The following RPS6KA6 variants were observed in gnomAD, a reference collection of about 807,000 sequenced individuals.
RPS6KA6 encodes ribosomal protein S6 kinase A6, also known as ribosomal protein S6 kinase alpha-6.
In RPS6KA6, 27 loss-of-function variants were observed where a neutral mutation model predicts 65.4. That is an observed-to-expected ratio of 0.41 (90% confidence interval 0.30 to 0.57). The LOEUF (loss-of-function observed/expected upper bound fraction) is 0.57, where lower values mean the gene tolerates loss of function less well. Among genes scored for constraint, RPS6KA6 ranks in the 20% least tolerant of loss-of-function variants. The probability of loss-of-function intolerance (pLI) is 0.24; values close to 1 mark genes in which losing one functional copy is unlikely to be tolerated. For synonymous variants in RPS6KA6, 190 were observed against 184.2 expected (o/e 1.03, Z -0.26); for missense variants, 486 against 555.6 (o/e 0.87, Z 1.26).
At chrX:84,152,464 G>A (rs990054441) in intron 3 of RPS6KA6, among the ~76,000 whole-genome samples, 34 of 110,925 alleles carry the variant, frequency 3.1e-4, no homozygotes, top group South Asian at 7.7e-4. Context: ...CTTGACAGTA[G>A]TAACAACCTA....
rs192198423 is a variant in RPS6KA6 at position 84,100,351 on chromosome X, T to C, written c.1776+1686A>G. On this transcript the variant is annotated intron_variant, in intron 18 of 21. Coordinates refer to ENST00000262752, the MANE Select transcript of RPS6KA6 (RefSeq NM_014496.5). ...CTCTCTGGGTTTGATTACCTAACCATTAATCTAAAACTGTTTACCTAACCA... is the reference window on the plus strand; with the variant it reads ...CTCTCTGGGTTTGATTACCTAACCACTAATCTAAAACTGTTTACCTAACCA... Among the ~76,000 whole-genome samples the C allele has an allele frequency of 1.5e-3, 162 of 110,841 alleles. 1 individual carries two copies. Among genetic ancestry groups the C allele is most frequent in the African/African-American group, 4.9e-3 (149 of 30,675 alleles).
chrX:84,149,890 G>A (rs865989468), intron 3 of RPS6KA6, among the ~76,000 whole-genome samples: 6 of 111,810 alleles, frequency 5.4e-5, no homozygotes, highest in South Asian at 3.7e-4. Context: ...CGCTGACTTC[G>A]CTCTAGCTAT....
chrX:84,181,169 G>A (rs1414307873), intron 1 of RPS6KA6, among the ~76,000 whole-genome samples: 1 of 111,614 alleles, frequency 9.0e-6, no homozygotes, highest in Non-Finnish European at 1.9e-5. Flanking sequence ...CTTTACAGGA[G>A]AGGCAGAGGG....
intron 1 of RPS6KA6, among the ~76,000 whole-genome samples, chrX:84,170,542 A>G (rs1375421910): frequency 1.8e-5 from 2 of 111,110 alleles, no homozygotes; most frequent in African/African-American, 6.6e-5. Context: ...AGGCAGGAGA[A>G]CTACTTGAAC....
intron 2 of RPS6KA6, among the ~76,000 whole-genome samples, chrX:84,160,795 T>A (rs2035498767): frequency 9.0e-6 from 1 of 111,036 alleles, no homozygotes. Context: ...ATGTCAAATA[T>A]TAGTGTACTT....
chrX:84,077,068 C>T (rs752359428), intron 20 of RPS6KA6, among the ~76,000 whole-genome samples: 7 of 111,283 alleles, frequency 6.3e-5, no homozygotes, highest in East Asian at 5.6e-4. Flanking sequence ...TATATTTAAA[C>T]GTATAAAACA....
chrX:84,137,660 T>C (rs926955369), intron 6 of RPS6KA6, among the ~76,000 whole-genome samples: 13 of 112,236 alleles, frequency 1.2e-4, no homozygotes, highest in Non-Finnish European at 2.4e-4. Context: ...AAATTTGATG[T>C]GTGAAAATGG....
chrX:84,150,967 G>GAT (rs1384949274), intron 3 of RPS6KA6, among the ~76,000 whole-genome samples: 1 of 90,390 alleles, frequency 1.1e-5, no homozygotes, highest in African/African-American at 4.0e-5. Flanking sequence ...ATATATAGAG[G>GAT]ATATATATAG....
chrX:84,074,389 A>C (rs1321232242), intron 20 of RPS6KA6, among the ~76,000 whole-genome samples: 1 of 111,650 alleles, frequency 9.0e-6, no homozygotes, highest in Non-Finnish European at 1.9e-5. Context: ...ATGGGGAGAG[A>C]TTAGCAAATG....
chrX:84,122,417 G>A (rs5922016), intron 8 of RPS6KA6, among the ~76,000 whole-genome samples: 17,969 of 81,897 alleles, frequency 0.22, 2,508 homozygotes, highest in African/African-American at 0.47. Context: ...TGCAACCTCC[G>A]CCTCTCGGGT....
chrX:84,119,809 A>C (rs905056188), intron 9 of RPS6KA6, 76 bp downstream of exon 9: 1 of 872,783 alleles, frequency 1.1e-6, no homozygotes, highest in Non-Finnish European at 1.5e-6. Context: ...GCTAAATCCC[A>C]AAATTTGAAT....
At position 84,064,962 on chromosome X, in the gene RPS6KA6, T is replaced by C. The variant is rs1316257959; in HGVS notation, c.2112+9A>G. 1 of 1,201,587 alleles carries C rather than the reference T, an allele frequency of 8.3e-7. No individual in the cohort carries two copies. Among genetic ancestry groups the C allele is most frequent in the South Asian group, 1.8e-5 (1 of 55,502 alleles). On this transcript the variant is annotated intron_variant, in intron 21 of 21. Transcript: ENST00000262752. ...ATCTCGAAGGCACATAAAAGTATGT[T>C]TGTTTTACCTTAACAACATGTGACA...
intron 6 of RPS6KA6, among the ~76,000 whole-genome samples, chrX:84,139,488 T>C (rs1434043339): frequency 8.9e-6 from 1 of 111,792 alleles, no homozygotes; most frequent in Non-Finnish European, 1.9e-5. Flanking sequence ...TGCTCACGCA[T>C]GGCACATTCT....
chrX:84,181,958 A>G (rs937902463), intron 1 of RPS6KA6, among the ~76,000 whole-genome samples: 16 of 109,478 alleles, frequency 1.5e-4, no homozygotes, highest in African/African-American at 4.3e-4. Flanking sequence ...TTTCCCATAT[A>G]CCATCTCAAA....
At chrX:84,170,813 T>G (rs961304841) in intron 1 of RPS6KA6, among the ~76,000 whole-genome samples, 1 of 111,357 alleles carries the variant, frequency 9.0e-6, no homozygotes, top group African/African-American at 3.3e-5. Context: ...CCCTTGAATG[T>G]GAACATGGCC....
intron 1 of RPS6KA6, among the ~76,000 whole-genome samples, chrX:84,165,095 C>T (rs2035576322): frequency 9.0e-6 from 1 of 110,788 alleles, no homozygotes; most frequent in Non-Finnish European, 1.9e-5. Context: ...GCTGCTTTTG[C>T]ACTACAACAG....
intron 20 of RPS6KA6, among the ~76,000 whole-genome samples, chrX:84,077,564 G>A (rs927234854): frequency 9.0e-6 from 1 of 111,524 alleles, no homozygotes; most frequent in Non-Finnish European, 1.9e-5. Context: ...ATGTAAAAAT[G>A]AACTTTGACC....
chrX:84,125,277 G>A (rs1395844479), intron 8 of RPS6KA6, among the ~76,000 whole-genome samples: 1 of 111,766 alleles, frequency 8.9e-6, no homozygotes, highest in African/African-American at 3.3e-5. Flanking sequence ...TGTCATTGTG[G>A]GGTATAAATT....
At chrX:84,078,729 C>T (rs2033717677) in intron 20 of RPS6KA6, among the ~76,000 whole-genome samples, 2 of 111,159 alleles carry the variant, frequency 1.8e-5, no homozygotes, top group Admixed American at 9.6e-5. Context: ...TATACAAACC[C>T]GTAGTGGCAG....
Sources: allele counts gnomAD v4.1 joint callset (sites outside exome capture counted in the v4.1 genomes callset), GRCh38; gene constraint gnomAD v4.1.1; transcripts MANE v1.5; gene names NCBI Gene and HGNC (gene_info 2026-07-23, HGNC 2026-07-21).